UPF2: variants seen among roughly 807,000 people sequenced by gnomAD.
UPF2 encodes the protein regulator of nonsense transcripts 2.
A neutral mutation model predicts 141.4 loss-of-function variants in UPF2; 17 were observed. The ratio of observed to expected loss-of-function variants is 0.12; its 90% CI spans 0.08 to 0.18. The LOEUF is 0.18. Ranked by LOEUF, UPF2 falls within the 10% of genes least tolerant of loss-of-function variation. The pLI, the probability that UPF2 is intolerant of heterozygous loss-of-function variation, is 1.00. For missense variants in UPF2, 1,152 were observed against 1,515.9 expected (o/e 0.76, Z 3.99); for synonymous variants, 540 against 498.0 (o/e 1.08, Z -1.12).
At chr10:12,012,794 GCC>G (rs1834153656) in intron 4 of UPF2, among the ~76,000 whole-genome samples, 1 of 126,588 alleles carries the variant, frequency 7.9e-6, no homozygotes, top group Non-Finnish European at 1.6e-5. Context: ...GCAAGACTCC[GCC>G]AAAAAAAAAA....
In UPF2 at chr10:11,978,921, T is replaced by C. The variant is rs576149180; in HGVS notation, c.1953+136A>G. ...TTAAGTAAATCACATTTCAAAAATT[T>C]AGAATGCCGTAAATTCTAAACTGTT... On this transcript the variant is annotated intron_variant, in intron 9 of 21. Transcript: ENST00000357604. 28 of 678,934 alleles carry C rather than the reference T, an allele frequency of 4.1e-5. No individual in the cohort carries two copies. The African/African-American group carries it at 4.7e-4, about 11-fold the overall frequency. 42.1% of individuals were successfully genotyped at this position (678,934 alleles called of 1,614,324 possible).
intron 9 of UPF2, among the ~76,000 whole-genome samples, chr10:11,972,824 A>C (rs1034641446): frequency 6.6e-6 from 1 of 152,190 alleles, no homozygotes; most frequent in Non-Finnish European, 1.5e-5. Flanking sequence ...TGCTTTTGTG[A>C]ATAGTGCCAC....
chr10:12,004,049 G>C (rs1017831419), intron 5 of UPF2, among the ~76,000 whole-genome samples: 1 of 151,616 alleles, frequency 6.6e-6, no homozygotes, highest in Non-Finnish European at 1.5e-5. Flanking sequence ...AGCAGCAAAT[G>C]TAAGACAAAC....
chr10:11,938,862 T>TTTTTTTTTG (rs1832894037), intron 18 of UPF2, among the ~76,000 whole-genome samples: 1 of 79,858 alleles, frequency 1.3e-5, no homozygotes, highest in East Asian at 7.0e-4. Context: ...TGTTTTTTTT[T>TTTTTTTTTG]TTTTTTTTTT....
At chr10:11,988,753 A>G (rs1833735110) in intron 8 of UPF2, among the ~76,000 whole-genome samples, 1 of 152,192 alleles carries the variant, frequency 6.6e-6, no homozygotes, top group Non-Finnish European at 1.5e-5. Flanking sequence ...CAAAGACTCA[A>G]AGTAACTTGC....
At chr10:12,021,293 G>A (rs1834312993) in intron 3 of UPF2, among the ~76,000 whole-genome samples, 1 of 151,530 alleles carries the variant, frequency 6.6e-6, no homozygotes, top group African/African-American at 2.4e-5. Context: ...ACTTTGGGAG[G>A]CCAAAGTGGG....
intron 11 of UPF2, among the ~76,000 whole-genome samples, chr10:11,960,785 A>T (rs1045070355): frequency 1.3e-5 from 2 of 151,758 alleles, no homozygotes; most frequent in African/African-American, 2.4e-5. Flanking sequence ...TAAAAAAAAA[A>T]AATAAGAAAG....
At chr10:11,929,241 A>G (rs1348148460) in intron 21 of UPF2, among the ~76,000 whole-genome samples, 2 of 152,234 alleles carry the variant, frequency 1.3e-5, no homozygotes, top group African/African-American at 4.8e-5. Flanking sequence ...ATCGATATTA[A>G]TTAACCCTGA....
intron 1 of UPF2, among the ~76,000 whole-genome samples, chr10:12,040,681 C>T (rs901024887): frequency 4.6e-5 from 7 of 152,106 alleles, no homozygotes; most frequent in Non-Finnish European, 8.8e-5. Context: ...GCTTGGAAGT[C>T]GGACTGATTT....
chr10:12,043,001 C>G (rs900329580), upstream of UPF2: 41 of 152,494 alleles, frequency 2.7e-4, no homozygotes, highest in African/African-American at 9.4e-4. Flanking sequence ...AAAAACAGTC[C>G]TGATCGTCTT....
At chr10:12,022,870 A>G (rs10795919) in intron 3 of UPF2, among the ~76,000 whole-genome samples, 93,243 of 151,922 alleles carry the variant, frequency 0.61, 29,462 homozygotes, top group East Asian at 0.86. Flanking sequence ...TTTTTTTTTA[A>G]CAATGGGCAG....
At chr10:12,004,426 T>C in intron 5 of UPF2, 104 bp downstream of exon 5, 1 of 876,432 alleles carries the variant, frequency 1.1e-6, no homozygotes, top group Non-Finnish European at 1.7e-6. Context: ...AATGTTCATA[T>C]TACAAAACTA....
At chr10:11,954,633 C>CAAAAAA (rs199644138) in intron 14 of UPF2, among the ~76,000 whole-genome samples, 19 of 128,012 alleles carry the variant, frequency 1.5e-4, no homozygotes, top group East Asian at 4.6e-4. Flanking sequence ...GACTTACTCT[C>CAAAAAA]AAAAAAAAAA....
chr10:12,011,627 A>C (rs2131281659), intron 4 of UPF2, among the ~76,000 whole-genome samples: 1 of 147,100 alleles, frequency 6.8e-6, no homozygotes, highest in African/African-American at 2.4e-5. Context: ...AAGGTCTATT[A>C]ATTCTGGAAA....
At chr10:11,952,640 A>C (rs759491235) in intron 14 of UPF2, among the ~76,000 whole-genome samples, 1 of 151,828 alleles carries the variant, frequency 6.6e-6, no homozygotes, top group Non-Finnish European at 1.5e-5. Flanking sequence ...ACGCCCGGCT[A>C]CTTTTTAATA....
At position 11,983,923 on chromosome 10, in the gene UPF2, T is replaced by C. The variant is rs1833642231; in HGVS notation, c.1845-4758A>G. On this transcript the variant is annotated intron_variant, in intron 8 of 21. Coordinates refer to ENST00000357604, the MANE Select transcript of UPF2 (RefSeq NM_015542.4). ...TTATTCTATTTAAGATGAAATTAAT[T>C]GATAACTTTTTTTTTTTGAGACGGA... Among the ~76,000 whole-genome samples, 2 of 152,090 alleles carry C rather than the reference T, an allele frequency of 1.3e-5. 1 individual carries two copies.
At position 12,028,122 on chromosome 10, in the gene UPF2, G is replaced by A. The variant is rs1327798553; in HGVS notation, c.1145+623C>T. On this transcript the variant is annotated intron_variant, in intron 3 of 21. Transcript: ENST00000357604. ...CCATACCTTTTAACAACCAAAATTG[G>A]CCCCAAAGTCAGGTCTTTTCACCAA... Among the ~76,000 whole-genome samples, 3 of 151,918 alleles carry A rather than the reference G, an allele frequency of 2.0e-5. No individual in the cohort carries two copies. The East Asian group carries it at 5.8e-4, about 29-fold the overall frequency.
At chr10:11,968,105 G>A (rs181777762) in intron 9 of UPF2, among the ~76,000 whole-genome samples, 5 of 152,148 alleles carry the variant, frequency 3.3e-5, no homozygotes, top group South Asian at 2.1e-4. Context: ...CTTGAACCCC[G>A]GAGGCAGAGG....
intron 1 of UPF2, among the ~76,000 whole-genome samples, chr10:12,039,102 T>C (rs1045574181): frequency 5.9e-5 from 9 of 152,218 alleles, no homozygotes; most frequent in African/African-American, 2.2e-4. Flanking sequence ...ACACTACTCA[T>C]GGTACCATAC....
Sources: gnomAD v4.1 joint callset for allele counts (sites outside exome capture counted in the v4.1 genomes callset) on GRCh38, gnomAD v4.1.1 for gene constraint, MANE v1.5 for transcripts, NCBI Gene and HGNC (gene_info 2026-07-23, HGNC 2026-07-21) for gene names.